Variants in MED13L observed in about 807,000 individuals in gnomAD.
MED13L encodes mediator complex subunit 13L.
Under a neutral mutation model 220.9 loss-of-function variants are expected in MED13L, and 7 were observed. The ratio of observed to expected loss-of-function variants is 0.03; its 90% CI spans 0.02 to 0.06. The LOEUF is 0.06. Among genes scored for constraint, MED13L ranks in the 10% least tolerant of loss-of-function variants. MED13L has a pLI of 1.00. For synonymous variants in MED13L, 1,011 were observed against 1,015.2 expected (o/e 1.00, Z 0.08); for missense variants, 1,965 against 2,760.5 (o/e 0.71, Z 6.46).
intron 23 of MED13L, among the ~76,000 whole-genome samples, chr12:115,977,186 C>T (rs1235727982): frequency 6.6e-6 from 1 of 152,288 alleles, no homozygotes; most frequent in East Asian, 1.9e-4. Flanking sequence ...TCTTACCTAG[C>T]TGGTCATTCA....
intron 2 of MED13L, among the ~76,000 whole-genome samples, chr12:116,177,298 A>T (rs1285211414): frequency 6.6e-6 from 1 of 152,184 alleles, no homozygotes; most frequent in Non-Finnish European, 1.5e-5. Flanking sequence ...CTGTGTCTAA[A>T]CTTTATACAA....
rs140957250 is a variant in MED13L at position 116,009,106 on chromosome 12, A to G, written c.1307T>C (p.Val436Ala). 5.0e-6 allele frequency: 8 copies of G among 1,614,092 alleles called. No homozygotes were observed. In the African/African-American group the frequency reaches 8.0e-5, roughly 16 times the overall value. ...TACTGTGGGAGGTCGATTGGGCCCG[A>G]CTGCACAACGTTTTAAAAGCTTATG... ...SRHKLLKRCA[V>A]GPNRPPTVSQ... The change falls in exon 10 of 31, where the codon GTC becomes GCC. Residue 436 changes from valine (V) to alanine (A), a missense_variant. Coordinates refer to ENST00000281928, the MANE Select transcript of MED13L (RefSeq NM_015335.5).
chr12:116,240,596 G>A (rs1018657541), intron 1 of MED13L, among the ~76,000 whole-genome samples: 4 of 150,870 alleles, frequency 2.7e-5, no homozygotes, highest in Admixed American at 1.3e-4. Context: ...GCAGTGGCGC[G>A]ATCTCGGCTC....
At chr12:116,081,944 C>G (rs1347019668) in intron 4 of MED13L, among the ~76,000 whole-genome samples, 1 of 152,120 alleles carries the variant, frequency 6.6e-6, no homozygotes, top group Non-Finnish European at 1.5e-5. Context: ...TTGGGATGAT[C>G]TATGAATACA....
At chr12:116,131,736 T>A (rs752610595) in intron 2 of MED13L, among the ~76,000 whole-genome samples, 13 of 152,192 alleles carry the variant, frequency 8.5e-5, no homozygotes, top group Non-Finnish European at 1.9e-4. Flanking sequence ...CCCAGCACTT[T>A]GGGAGGCCAA....
At chr12:116,187,818 TA>T (rs1207459637) in intron 2 of MED13L, among the ~76,000 whole-genome samples, 1 of 151,356 alleles carries the variant, frequency 6.6e-6, no homozygotes, top group Non-Finnish European at 1.5e-5. Context: ...AACTCGCTAC[TA>T]AAAGATCTTA....
intron 2 of MED13L, among the ~76,000 whole-genome samples, chr12:116,165,723 C>A (rs1565908435): frequency 6.6e-6 from 1 of 152,148 alleles, no homozygotes. Flanking sequence ...CAACCACTCA[C>A]CTTCCTCAAG....
intron 4 of MED13L, among the ~76,000 whole-genome samples, chr12:116,039,403 T>C (rs1881390247): frequency 6.6e-6 from 1 of 152,238 alleles, no homozygotes; most frequent in Admixed American, 6.5e-5. Flanking sequence ...TTTGGTAGAA[T>C]GCTATTATCA....
At chr12:116,187,701 A>C (rs187378626) in intron 2 of MED13L, among the ~76,000 whole-genome samples, 2 of 152,158 alleles carry the variant, frequency 1.3e-5, no homozygotes, top group African/African-American at 4.8e-5. Context: ...TATCTGCTCT[A>C]TTAAATCTGG....
chr12:116,277,399 C>T lies in MED13L; in HGVS notation c.-268G>A. On this transcript the variant is annotated 5_prime_UTR_variant, in exon 1 of 31. Coordinates refer to ENST00000281928, the MANE Select transcript of MED13L (RefSeq NM_015335.5). Reference sequence around the variant, plus strand: ...CGCCTCCGCCTTCCCTGCTCCTCAGCCGCCGCCGCCGCCGCTGCTGCCGCT... The same window carrying T: ...CGCCTCCGCCTTCCCTGCTCCTCAGTCGCCGCCGCCGCCGCTGCTGCCGCT... The T allele has an allele frequency of 8.4e-5, 1 of 11,836 alleles. No homozygotes were observed. The highest frequency in any genetic ancestry group is 1.2e-4 in the Non-Finnish European group (1 of 8,042). 0.7% of individuals were successfully genotyped at this position (11,836 alleles called of 1,614,324 possible).
chr12:115,963,579 G>T, intron 29 of MED13L, 60 bp from the exon 30 acceptor site: 3 of 1,254,914 alleles, frequency 2.4e-6, no homozygotes, highest in Non-Finnish European at 3.5e-6. Context: ...GCAGAAGTGA[G>T]GGAGGCCATG....
chr12:116,166,528 G>A (rs1458512519), intron 2 of MED13L, among the ~76,000 whole-genome samples: 1 of 151,970 alleles, frequency 6.6e-6, no homozygotes, highest in Non-Finnish European at 1.5e-5. Context: ...AGGCTGCAGT[G>A]AGCCAAGATT....
chr12:115,974,879 A>T (rs1184259132), intron 25 of MED13L, among the ~76,000 whole-genome samples: 1 of 152,224 alleles, frequency 6.6e-6, no homozygotes, highest in Non-Finnish European at 1.5e-5. Flanking sequence ...CTTCTCCCTG[A>T]TTCAATATAT....
chr12:116,005,735 T>G, intron 13 of MED13L, 134 bp downstream of exon 13: 4 of 1,184,134 alleles, frequency 3.4e-6, no homozygotes, highest in Non-Finnish European at 4.9e-6. Context: ...ATACAGACAT[T>G]TATAAAGAAC....
chr12:116,120,440 TTC>T (rs67306353), intron 2 of MED13L, among the ~76,000 whole-genome samples: 5,538 of 97,654 alleles, frequency 0.057, 141 homozygotes, highest in East Asian at 0.19. Context: ...TAATCTCTCT[TTC>T]TCTCTCTCTC....
Position 116,237,662 on chromosome 12 carries a change from C to T in MED13L, c.116G>A (p.Gly39Glu). Residue 39 changes from glycine (G) to glutamate (E), a missense_variant, in exon 2 of 31, where the codon GGG becomes GAG. Coordinates refer to ENST00000281928, the MANE Select transcript of MED13L (RefSeq NM_015335.5). ...AATTATGGGTCCACAGTCCCCATGC[C>T]CTCCAAAATTGTACCTACGCCATTT... ...GIKWRRYNFGGHGDCGPIISA... is the reference protein window; with the variant it reads ...GIKWRRYNFGEHGDCGPIISA... The T allele has an allele frequency of 6.2e-7, 1 of 1,614,136 alleles. No homozygotes were observed. The highest frequency in any genetic ancestry group is 8.5e-7 in the Non-Finnish European group (1 of 1,180,024).
intron 4 of MED13L, among the ~76,000 whole-genome samples, chr12:116,027,625 G>A (rs953087394): frequency 1.3e-5 from 2 of 152,076 alleles, no homozygotes; most frequent in African/African-American, 4.8e-5. Flanking sequence ...CTGCTTGTTG[G>A]CCCAACCAGA....
chr12:116,012,119 A>T (rs550320337), intron 9 of MED13L, among the ~76,000 whole-genome samples: 1 of 152,318 alleles, frequency 6.6e-6, no homozygotes, highest in African/African-American at 2.4e-5. Flanking sequence ...AATCATCACC[A>T]CTTCTTCTAA....
intron 1 of MED13L, among the ~76,000 whole-genome samples, chr12:116,242,048 CTTTTTT>C (rs767214989): frequency 2.8e-5 from 3 of 106,650 alleles, no homozygotes; most frequent in African/African-American, 1.1e-4. Context: ...GTTCTTTTGT[CTTTTTT>C]TTTTTTTTTT....
Sources: allele counts gnomAD v4.1 joint callset (sites outside exome capture counted in the v4.1 genomes callset), GRCh38; gene constraint gnomAD v4.1.1; transcripts MANE v1.5; gene names NCBI Gene and HGNC (gene_info 2026-07-23, HGNC 2026-07-21).